CNBD1: variants seen among roughly 807,000 people sequenced by gnomAD.
The protein encoded by CNBD1 is cyclic nucleotide binding domain containing 1, also known as cyclic nucleotide-binding domain-containing protein 1.
CNBD1 carries 71 observed loss-of-function variants against 54.4 expected under a neutral mutation model. That is an observed-to-expected ratio of 1.30 (90% CI 1.08 to 1.59). The LOEUF (loss-of-function observed/expected upper bound fraction) is 1.59. Ranked by LOEUF, CNBD1 falls within the 40% of genes most tolerant of loss-of-function variation. The probability of loss-of-function intolerance (pLI) is 0.00; values close to 1 mark genes in which losing one functional copy is unlikely to be tolerated. For missense variants in CNBD1, 659 were observed against 518.0 expected, an observed-to-expected ratio of 1.27 and a Z score of -2.64; for synonymous variants, 182 against 170.7, an observed-to-expected ratio of 1.07 and a Z score of -0.51.
chr8:87,102,905 C>T (rs905579206), intron 4 of CNBD1, among the ~76,000 whole-genome samples: 3 of 152,064 alleles, frequency 2.0e-5, no homozygotes, highest in Non-Finnish European at 4.4e-5. Flanking sequence ...TGAGCCACAG[C>T]GCTCGGCCAC....
intron 4 of CNBD1, among the ~76,000 whole-genome samples, chr8:86,946,856 T>C (rs1422332459): frequency 6.6e-6 from 1 of 152,190 alleles, no homozygotes; most frequent in Non-Finnish European, 1.5e-5. Context: ...GTTATTCTTA[T>C]AGAGTATTAA....
At chr8:86,923,387 G>T (rs1809307422) in intron 3 of CNBD1, among the ~76,000 whole-genome samples, 1 of 152,216 alleles carries the variant, frequency 6.6e-6, no homozygotes, top group African/African-American at 2.4e-5. Flanking sequence ...CATGGTGGAA[G>T]GGAGGGTTGT....
intron 3 of CNBD1, among the ~76,000 whole-genome samples, chr8:86,921,297 A>G (rs184234696): frequency 1.1e-4 from 17 of 152,152 alleles, no homozygotes; most frequent in Admixed American, 9.2e-4. Flanking sequence ...TATAAAACCC[A>G]TATTTTCTCT....
chr8:87,415,820 T>C (rs568171449), intron 2 of CNBD1, among the ~76,000 whole-genome samples: 4 of 151,618 alleles, frequency 2.6e-5, no homozygotes, highest in African/African-American at 9.7e-5. Context: ...AATAAAAAGA[T>C]GCAAGTAAGA....
At chr8:87,131,405 C>G (rs1264855441) in intron 4 of CNBD1, among the ~76,000 whole-genome samples, 1 of 151,968 alleles carries the variant, frequency 6.6e-6, no homozygotes, top group Non-Finnish European at 1.5e-5. Context: ...TTTTCACACC[C>G]CACTGGGAAA....
intron 8 of CNBD1, among the ~76,000 whole-genome samples, chr8:87,297,270 A>C (rs1029859320): frequency 6.6e-6 from 1 of 151,952 alleles, no homozygotes. Context: ...CTAATTAGAC[A>C]CTTTATACCT....
At chr8:87,365,663 C>G (rs10282997) in intron 10 of CNBD1, among the ~76,000 whole-genome samples, 1,616 of 152,120 alleles carry the variant, frequency 0.011, 38 homozygotes, top group African/African-American at 0.037. Context: ...TAACAATAAT[C>G]TCACACAATT....
At chr8:87,149,475 G>T (rs2130746789) in intron 4 of CNBD1, among the ~76,000 whole-genome samples, 1 of 152,274 alleles carries the variant, frequency 6.6e-6, no homozygotes, top group East Asian at 1.9e-4. Flanking sequence ...GGCACTCTGT[G>T]CACAGGAAGA....
In CNBD1 at chr8:87,382,673, A is replaced by AAATAATGG; in HGVS notation, c.*53_*60dup. On this transcript the variant is annotated 3_prime_UTR_variant, in exon 11 of 11. Coordinates refer to ENST00000518476, the MANE Select transcript of CNBD1 (RefSeq NM_173538.3). ...AACATTAATTAAGAAAGTATTGACT[A>AAATAATGG]AATAATGGAATAATTGCATTCTGGA... 1 of 1,400,988 alleles carries AAATAATGG rather than the reference A, an allele frequency of 7.1e-7. No individual in the cohort carries two copies. The highest frequency in any genetic ancestry group is 9.8e-7 in the Non-Finnish European group (1 of 1,016,356). 86.8% of individuals were successfully genotyped at this position (1,400,988 alleles called of 1,614,324 possible).
chr8:86,908,428 T>C (rs1809050416), intron 3 of CNBD1, among the ~76,000 whole-genome samples: 1 of 152,188 alleles, frequency 6.6e-6, no homozygotes. Context: ...TTTCACTCAA[T>C]AGCAGAAACA....
Position 87,361,798 on chromosome 8 carries a change from G to A in CNBD1, c.1303+8012G>A, listed in dbSNP as rs965694078. On this transcript the variant is annotated intron_variant, in intron 10 of 10. Transcript: ENST00000518476. Reference sequence around the variant, plus strand: ...CAATTGGTTTATAAAGAAATAGATGGGGGGGTAGAATTTGAAATATAAAAA... The same window carrying A: ...CAATTGGTTTATAAAGAAATAGATGAGGGGGTAGAATTTGAAATATAAAAA... Among the ~76,000 whole-genome samples, 14 of 151,050 alleles carry A rather than the reference G, an allele frequency of 9.3e-5. No homozygotes were observed. The South Asian group carries it at 1.5e-3, about 16-fold the overall frequency.
At chr8:87,251,857 T>C (rs1308345677) in intron 6 of CNBD1, among the ~76,000 whole-genome samples, 1 of 152,158 alleles carries the variant, frequency 6.6e-6, no homozygotes, top group Admixed American at 6.5e-5. Flanking sequence ...TCTGTATTTA[T>C]CTTTTTAAAA....
chr8:87,183,387 T>G (rs1301773304), intron 4 of CNBD1, among the ~76,000 whole-genome samples: 1 of 3,998 alleles, frequency 2.5e-4, no homozygotes, highest in Non-Finnish European at 1.5e-3. Context: ...CGCTGTTTGT[T>G]TTTTTTTTTT....
At chr8:87,315,177 T>C (rs1320372018) in intron 8 of CNBD1, among the ~76,000 whole-genome samples, 2 of 151,510 alleles carry the variant, frequency 1.3e-5, no homozygotes, top group African/African-American at 2.4e-5. Flanking sequence ...TTAAAGAGAG[T>C]AGGGAAAATA....
chr8:87,170,628 T>C (rs1813065887), intron 4 of CNBD1, among the ~76,000 whole-genome samples: 1 of 152,142 alleles, frequency 6.6e-6, no homozygotes. Flanking sequence ...ATGTTCCTTC[T>C]ACACCTAGTT....
chr8:87,332,958 T>G (rs1463091004), intron 8 of CNBD1, among the ~76,000 whole-genome samples: 1 of 152,212 alleles, frequency 6.6e-6, no homozygotes, highest in Non-Finnish European at 1.5e-5. Context: ...TAAATTACTT[T>G]GGGCAGTATG....
intron 8 of CNBD1, among the ~76,000 whole-genome samples, chr8:87,301,469 C>CCAA (rs77754595): frequency 0.28 from 42,679 of 151,846 alleles, 6,678 homozygotes; most frequent in Middle Eastern, 0.41. Flanking sequence ...CTAACTAAAT[C>CCAA]CAACAACATA....
intron 8 of CNBD1, among the ~76,000 whole-genome samples, chr8:87,344,826 C>T (rs982892025): frequency 9.2e-5 from 14 of 152,118 alleles, no homozygotes; most frequent in African/African-American, 2.9e-4. Flanking sequence ...TGAAACAATG[C>T]TGCTTAAATA....
At chr8:87,235,624 A>G (rs931429346) in intron 5 of CNBD1, among the ~76,000 whole-genome samples, 3 of 152,182 alleles carry the variant, frequency 2.0e-5, no homozygotes, top group African/African-American at 4.8e-5. Flanking sequence ...GCCCAAAACA[A>G]TTACATCAAT....
Sources: allele counts gnomAD v4.1 joint callset (sites outside exome capture counted in the v4.1 genomes callset), GRCh38; gene constraint gnomAD v4.1.1; transcripts MANE v1.5; gene names NCBI Gene and HGNC (gene_info 2026-07-23, HGNC 2026-07-21).